LRP1B: variants seen among roughly 807,000 people sequenced by gnomAD.
LRP1B encodes the protein LDL receptor related protein 1B.
LRP1B carries 217 observed loss-of-function variants against 556.6 expected under a neutral mutation model. The ratio of observed to expected loss-of-function variants is 0.39; its 90% CI spans 0.35 to 0.44. The LOEUF is 0.44. Among genes scored for constraint, LRP1B ranks in the 20% least tolerant of loss-of-function variants. LRP1B has a pLI of 1.00. For missense variants in LRP1B, 5,053 were observed against 5,620.8 expected, an observed-to-expected ratio of 0.90 and a Z score of 3.23; for synonymous variants, 2,047 against 1,865.8, an observed-to-expected ratio of 1.10 and a Z score of -2.50.
intron 7 of LRP1B, among the ~76,000 whole-genome samples, chr2:141,069,323 C>G (rs939155326): frequency 6.6e-6 from 1 of 152,134 alleles, no homozygotes; most frequent in African/African-American, 2.4e-5. Flanking sequence ...AAGTGGAGCA[C>G]TAAAAATGTG....
chr2:140,648,920 A>T (rs1231943846), intron 41 of LRP1B, among the ~76,000 whole-genome samples: 3 of 152,146 alleles, frequency 2.0e-5, no homozygotes, highest in Non-Finnish European at 4.4e-5. Flanking sequence ...TAGAGATAGG[A>T]GCTGGAGAAT....
At chr2:140,634,912 C>A (rs1559020988) in intron 41 of LRP1B, among the ~76,000 whole-genome samples, 1 of 151,952 alleles carries the variant, frequency 6.6e-6, no homozygotes, top group African/African-American at 2.4e-5. Context: ...CAGAAAAGTA[C>A]ATTATGTAAA....
chr2:141,961,328 T>G (rs566740915), intron 1 of LRP1B, among the ~76,000 whole-genome samples: 1 of 151,842 alleles, frequency 6.6e-6, no homozygotes, highest in South Asian at 2.1e-4. Context: ...AGCCTCCACT[T>G]TGCCCCTCAT....
rs533350688 is a variant in LRP1B, at chr2:141,255,361, G to A, written c.344-720C>T. Among the ~76,000 whole-genome samples, 103 of 152,090 alleles carry A rather than the reference G, an allele frequency of 6.8e-4. 1 individual carries two copies. The highest frequency in any genetic ancestry group is 2.4e-3 in the African/African-American group (101 of 41,530). On this transcript the variant is annotated intron_variant, in intron 3 of 90. Transcript: ENST00000389484. ...ATAAATAGATTGCTATGATACTGTTGTTTTTACTCTTTTCCCCAGAAAGGC... is the reference window on the plus strand; with the variant it reads ...ATAAATAGATTGCTATGATACTGTTATTTTTACTCTTTTCCCCAGAAAGGC...
intron 7 of LRP1B, among the ~76,000 whole-genome samples, chr2:141,084,513 G>A (rs965555925): frequency 6.6e-6 from 1 of 152,152 alleles, no homozygotes; most frequent in Admixed American, 6.5e-5. Flanking sequence ...GCATGTTATA[G>A]TACAATTTAT....
intron 22 of LRP1B, among the ~76,000 whole-genome samples, chr2:140,907,347 G>A (rs1175537310): frequency 6.6e-6 from 1 of 152,036 alleles, no homozygotes; most frequent in Non-Finnish European, 1.5e-5. Context: ...ATTTTAACTA[G>A]ATAAGGCATA....
rs1213489617 is a variant in LRP1B at position 140,358,079 on chromosome 2, A to G, written c.11295T>C (p.Asp3765=). 6.2e-7 allele frequency: 1 copy of G among 1,611,354 alleles called. No individual in the cohort carries two copies. The highest frequency in any genetic ancestry group is 8.5e-7 in the Non-Finnish European group (1 of 1,178,232). ...LTYKARPCKK[D]EFACSNKKCI... ...ATTTTTTATTACTACAAGCAAACTC[A>G]TCCTTTTTACAAGGCCTTGCTTTAT... Residue 3765 remains aspartate, a synonymous_variant, in exon 74 of 91, where the codon GAT becomes GAC. Coordinates refer to ENST00000389484, the MANE Select transcript of LRP1B (RefSeq NM_018557.3).
At chr2:141,432,295 G>A (rs1021087692) in intron 3 of LRP1B, among the ~76,000 whole-genome samples, 2 of 151,944 alleles carry the variant, frequency 1.3e-5, no homozygotes, top group African/African-American at 4.8e-5. Context: ...AATCCCATTT[G>A]GTCCTGGTAT....
chr2:140,667,732 A>G (rs1348608681), intron 41 of LRP1B, among the ~76,000 whole-genome samples: 1 of 152,186 alleles, frequency 6.6e-6, no homozygotes, highest in Non-Finnish European at 1.5e-5. Flanking sequence ...TCTGAGTCTC[A>G]GAGTTGAAAA....
In LRP1B at chr2:140,950,244, T is replaced by C. The variant is rs1308875749; in HGVS notation, c.3127A>G (p.Thr1043Ala). The change falls in exon 20 of 91, where the codon ACT becomes GCT. Residue 1043 changes from threonine to alanine, a missense_variant. Thr to Ala is a moderately conservative substitution (Grantham distance 58, BLOSUM62 0). This residue lies in a region of LRP1B where 3,619 missense variants were observed against 3,931.9 expected (regional missense o/e 0.92). Transcript: ENST00000389484. Reference sequence around the variant, plus strand: ...TTATAAAATTACTAACCTTCTTTAGTACAATTGATCTGGGCTTCATCACTG... The same window carrying C: ...TTATAAAATTACTAACCTTCTTTAGCACAATTGATCTGGGCTTCATCACTG... ...DFSDEAQINC[T>A]KEEIHSPAGC... is the part of the protein sequence containing the mutation. The C allele has an allele frequency of 1.3e-6, 2 of 1,585,004 alleles. No individual in the cohort carries two copies. The highest frequency in any genetic ancestry group is 1.7e-6 in the Non-Finnish European group (2 of 1,171,394).
At chr2:140,795,373 T>A (rs1008315054) in intron 32 of LRP1B, among the ~76,000 whole-genome samples, 5 of 152,172 alleles carry the variant, frequency 3.3e-5, no homozygotes, top group African/African-American at 1.2e-4. Context: ...CACCCACAAT[T>A]AAAAACCTTA....
Position 141,476,519 on chromosome 2 carries a change from T to C in LRP1B, c.343+3877A>G, listed in dbSNP as rs571458314. On this transcript the variant is annotated intron_variant, in intron 3 of 90. Transcript: ENST00000389484. The stretch of plus-strand genomic sequence containing the variant: ...TATGTGATTTTGAAAGTTTTTACTG[T>C]AAAACTTTTATAAGCATATTTCTAC... 2.0e-5 allele frequency among the ~76,000 whole-genome samples: 3 copies of C among 152,296 alleles called. No homozygotes were observed. In the South Asian group the frequency reaches 6.2e-4, roughly 32 times the overall value.
At chr2:140,453,093 C>T (rs1490807326) in intron 62 of LRP1B, among the ~76,000 whole-genome samples, 1 of 151,146 alleles carries the variant, frequency 6.6e-6, no homozygotes, top group Non-Finnish European at 1.5e-5. Flanking sequence ...TATTAAAACA[C>T]ATTAGTATGA....
chr2:140,731,653 A>T (rs1471964742), intron 35 of LRP1B, among the ~76,000 whole-genome samples: 1 of 151,364 alleles, frequency 6.6e-6, no homozygotes, highest in Non-Finnish European at 1.5e-5. Context: ...CTGTAGTCCC[A>T]GCTACTCAGG....
chr2:140,884,494 T>G (rs888561759), intron 24 of LRP1B, among the ~76,000 whole-genome samples: 28 of 152,146 alleles, frequency 1.8e-4, no homozygotes, highest in African/African-American at 6.5e-4. Context: ...CTTTTTCTCT[T>G]TTTAGAAGGA....
intron 87 of LRP1B, among the ~76,000 whole-genome samples, chr2:140,245,281 T>G (rs1230557429): frequency 6.6e-6 from 1 of 151,342 alleles, no homozygotes. Context: ...TTCTTACATT[T>G]GCCCATACAA....
intron 53 of LRP1B, among the ~76,000 whole-genome samples, chr2:140,506,463 C>T (rs996527152): frequency 1.1e-4 from 17 of 152,096 alleles, no homozygotes; most frequent in Middle Eastern, 3.4e-3. Flanking sequence ...AGGCTGGTCT[C>T]GAACTCCTGA....
At chr2:140,901,615 T>C (rs1694107401) in intron 23 of LRP1B, among the ~76,000 whole-genome samples, 1 of 152,206 alleles carries the variant, frequency 6.6e-6, no homozygotes, top group Non-Finnish European at 1.5e-5. Context: ...AATTACATTA[T>C]TTTTGACTAC....
intron 72 of LRP1B, 52 bp from the exon 73 acceptor site, chr2:140,358,998 T>G (rs564255833): frequency 6.5e-7 from 1 of 1,537,012 alleles, no homozygotes; most frequent in Admixed American, 1.8e-5. Flanking sequence ...CATTGCTTTA[T>G]GAAGAACATT....
Sources: allele counts gnomAD v4.1 joint callset (sites outside exome capture counted in the v4.1 genomes callset), GRCh38; gene constraint gnomAD v4.1.1; regional missense constraint gnomAD v4.1.1; transcripts MANE v1.5; gene names NCBI Gene and HGNC (gene_info 2026-07-23, HGNC 2026-07-21).